The following TNFSF4 variants were observed in gnomAD, a reference collection of about 807,000 sequenced individuals.
TNFSF4 encodes the protein TNF superfamily member 4, also known as tumor necrosis factor ligand superfamily member 4.
Under a neutral mutation model 7.3 loss-of-function variants are expected in TNFSF4, and 4 were observed. That is an observed-to-expected ratio of 0.55 (90% CI 0.27 to 1.25). The LOEUF (loss-of-function observed/expected upper bound fraction) is 1.25, where lower values mean the gene tolerates loss of function less well. TNFSF4 is among the 50% of genes most tolerant of loss of function. The pLI is 0.12. For synonymous variants in TNFSF4, 76 were observed against 83.7 expected, an observed-to-expected ratio of 0.91 and a Z score of 0.50; for missense variants, 181 against 208.8, an observed-to-expected ratio of 0.87 and a Z score of 0.82.
At chr1:173,317,002 TG>T in the TNFSF4 span, among the ~76,000 whole-genome samples, 1 of 152,220 alleles carries the variant, frequency 6.6e-6, no homozygotes, top group Non-Finnish European at 1.5e-5. Context: ...ATAGTTTTAG[TG>T]ACTTACATAA....
the TNFSF4 span, among the ~76,000 whole-genome samples, chr1:173,429,626 C>A: frequency 6.6e-6 from 1 of 152,208 alleles, no homozygotes; most frequent in Non-Finnish European, 1.5e-5. Flanking sequence ...GGGAAAAGAC[C>A]ATGTGGGGTG....
At chr1:173,253,368 A>G in the TNFSF4 span, among the ~76,000 whole-genome samples, 6 of 152,236 alleles carry the variant, frequency 3.9e-5, no homozygotes, top group African/African-American at 1.2e-4. Flanking sequence ...CAGAAGCTAG[A>G]GGAACAGGAT....
the TNFSF4 span, among the ~76,000 whole-genome samples, chr1:173,341,081 G>T: frequency 6.6e-6 from 1 of 152,030 alleles, no homozygotes; most frequent in Admixed American, 6.6e-5. Flanking sequence ...GCCATGTGAA[G>T]AAGGATGTGT....
At chr1:173,235,344 T>C in the TNFSF4 span, among the ~76,000 whole-genome samples, 2 of 152,138 alleles carry the variant, frequency 1.3e-5, no homozygotes, top group Non-Finnish European at 2.9e-5. Flanking sequence ...GGCTTCCACC[T>C]CACAGATTGA....
chr1:173,362,567 C>T, the TNFSF4 span: 2 of 531,030 alleles, frequency 3.8e-6, no homozygotes, highest in Admixed American at 4.1e-5. Flanking sequence ...GATTCTCACA[C>T]TAAGTTGTCT....
chr1:173,396,230 C>A, the TNFSF4 span, among the ~76,000 whole-genome samples: 2 of 152,110 alleles, frequency 1.3e-5, no homozygotes, highest in Non-Finnish European at 2.9e-5. Flanking sequence ...AGGTTTGGAG[C>A]CAAGCATGGT....
the TNFSF4 span, among the ~76,000 whole-genome samples, chr1:173,276,314 CTATAGGCTTCAG>C: frequency 6.6e-6 from 1 of 152,104 alleles, no homozygotes; most frequent in African/African-American, 2.4e-5. Flanking sequence ...ACTCTCTAAG[CTATAGGCTTCAG>C]ACTTCTCCTA....
chr1:173,387,862 T>G, the TNFSF4 span, among the ~76,000 whole-genome samples: 1 of 152,220 alleles, frequency 6.6e-6, no homozygotes, highest in Admixed American at 6.5e-5. Flanking sequence ...TACCTTATTC[T>G]CACACTAAAA....
chr1:173,267,995 A>T, the TNFSF4 span, among the ~76,000 whole-genome samples: 1 of 152,106 alleles, frequency 6.6e-6, no homozygotes, highest in African/African-American at 2.4e-5. Context: ...GTCACAAAAA[A>T]ATTTGGTGAA....
chr1:173,236,781 A>G, the TNFSF4 span, among the ~76,000 whole-genome samples: 24 of 152,212 alleles, frequency 1.6e-4, no homozygotes, highest in Admixed American at 3.3e-4. Flanking sequence ...GAAGCTAAAA[A>G]AAAGTTGATC....
At chr1:173,206,978 A>C (rs749477434) in intron 1 of TNFSF4, 46 bp downstream of exon 1, 7 of 1,546,198 alleles carry the variant, frequency 4.5e-6, no homozygotes, top group Non-Finnish European at 6.1e-6. Flanking sequence ...TGCAGCTGCC[A>C]TCAGCATGAG....
At chr1:173,414,616 C>T in the TNFSF4 span, among the ~76,000 whole-genome samples, 2 of 152,150 alleles carry the variant, frequency 1.3e-5, no homozygotes, top group Non-Finnish European at 2.9e-5. Flanking sequence ...ATTCAAGCTT[C>T]AAAGTATGAA....
the TNFSF4 span, among the ~76,000 whole-genome samples, chr1:173,332,098 A>G: frequency 6.6e-6 from 1 of 152,170 alleles, no homozygotes; most frequent in Non-Finnish European, 1.5e-5. Context: ...CCTCAGACAA[A>G]TGTAAGCTAC....
the TNFSF4 span, among the ~76,000 whole-genome samples, chr1:173,420,907 T>G: frequency 1.3e-5 from 2 of 152,236 alleles, no homozygotes; most frequent in African/African-American, 4.8e-5. Flanking sequence ...TATGGCCAAT[T>G]GTCATTTAAA....
chr1:173,287,364 A>G, the TNFSF4 span, among the ~76,000 whole-genome samples: 2 of 152,192 alleles, frequency 1.3e-5, no homozygotes, highest in South Asian at 4.1e-4. Context: ...TTTAAAAACC[A>G]CAATGGGATA....
chr1:173,270,623 G>T, the TNFSF4 span, among the ~76,000 whole-genome samples: 1 of 152,126 alleles, frequency 6.6e-6, no homozygotes, highest in Non-Finnish European at 1.5e-5. Context: ...CACTCAGCAT[G>T]GTGGTACATT....
At chr1:173,286,724 TA>T in the TNFSF4 span, among the ~76,000 whole-genome samples, 1 of 151,914 alleles carries the variant, frequency 6.6e-6, no homozygotes. Flanking sequence ...GCACTAACCA[TA>T]AAAAAAGATT....
At chr1:173,199,661 T>A (rs183105515) in intron 1 of TNFSF4, among the ~76,000 whole-genome samples, 2 of 152,352 alleles carry the variant, frequency 1.3e-5, no homozygotes, top group African/African-American at 2.4e-5. Context: ...AGAGACTAAA[T>A]TTCTGTAGTT....
the TNFSF4 span, among the ~76,000 whole-genome samples, chr1:173,295,197 A>T: frequency 5.9e-5 from 9 of 152,032 alleles, no homozygotes; most frequent in African/African-American, 2.2e-4. Context: ...TATAAAGTTA[A>T]ACATACATTC....
Sources: allele counts gnomAD v4.1 joint callset (sites outside exome capture counted in the v4.1 genomes callset), GRCh38; gene constraint gnomAD v4.1.1; transcripts MANE v1.5; gene names NCBI Gene and HGNC (gene_info 2026-07-23, HGNC 2026-07-21).